Variants in HPS5 observed in about 807,000 individuals in gnomAD.
HPS5 encodes BLOC-2 complex member HPS5.
A neutral mutation model predicts 128.0 loss-of-function variants in HPS5; 83 were observed. That is an observed-to-expected ratio of 0.65 (90% CI 0.54 to 0.78). The LOEUF is 0.78. HPS5 is among the 30% of genes least tolerant of loss of function. HPS5 has a pLI of 0.00. For missense variants in HPS5, 1,281 were observed against 1,326.2 expected (o/e 0.97, Z 0.53); for synonymous variants, 475 against 470.2 (o/e 1.01, Z -0.13).
At chr11:18,309,197 A>C (rs1862693453) in intron 5 of HPS5, 118 bp from the exon 6 acceptor site, 2 of 1,005,608 alleles carry the variant, frequency 2.0e-6, no homozygotes, top group Non-Finnish European at 1.5e-6. Context: ...TTTTCAAATA[A>C]GCCAAAACTT....
In HPS5 at chr11:18,286,686, C is replaced by G. The variant is rs1313024540; in HGVS notation, c.2742G>C (p.Leu914=). 1 of 1,613,984 alleles carries G rather than the reference C, an allele frequency of 6.2e-7. No homozygotes were observed. Among genetic ancestry groups the G allele is most frequent in the East Asian group, 2.2e-5 (1 of 44,874 alleles). The change falls in exon 19 of 23, where the codon CTG becomes CTC. Residue 914 remains leucine, a synonymous_variant. Transcript: ENST00000349215. ...DQRSSFLESL[L]QPESLRLDWL... ...AATCCAACCTTAAAGACTCTGGTTGCAGAAGGGACTCAAGAAAAGATGACC... is the reference window on the plus strand; with the variant it reads ...AATCCAACCTTAAAGACTCTGGTTGGAGAAGGGACTCAAGAAAAGATGACC...
intron 2 of HPS5, among the ~76,000 whole-genome samples, chr11:18,313,611 C>T (rs1863250817): frequency 6.6e-6 from 1 of 152,072 alleles, no homozygotes; most frequent in African/African-American, 2.4e-5. Context: ...CTAATTTAAA[C>T]ATTTTTATTT....
intron 4 of HPS5, 36 bp from the exon 5 acceptor site, chr11:18,310,969 C>G (rs1011606000): frequency 2.6e-6 from 4 of 1,540,878 alleles, no homozygotes; most frequent in Admixed American, 1.7e-5. Context: ...AACGTGGCAA[C>G]AGTGAACAAG....
At chr11:18,281,825 T>C in intron 22 of HPS5, 125 bp downstream of exon 22, 1 of 1,070,276 alleles carries the variant, frequency 9.3e-7, no homozygotes, top group South Asian at 1.3e-5. Context: ...AATTACCACA[T>C]CAGTCTCAGT....
At chr11:18,317,704 C>T (rs1420854284) in intron 2 of HPS5, 47 bp downstream of exon 2, 2 of 1,587,718 alleles carry the variant, frequency 1.3e-6, no homozygotes, top group South Asian at 1.1e-5. Flanking sequence ...GGCACAGTAA[C>T]AGAGAGCACG....
intron 8 of HPS5, among the ~76,000 whole-genome samples, chr11:18,302,893 C>T (rs1008470658): frequency 7.6e-6 from 1 of 132,032 alleles, no homozygotes; most frequent in Non-Finnish European, 1.5e-5. Context: ...CTGAACCTGA[C>T]ATTCAGCTTG....
intron 6 of HPS5, among the ~76,000 whole-genome samples, chr11:18,306,736 T>C (rs1323402659): frequency 1.3e-5 from 2 of 152,348 alleles, no homozygotes; most frequent in Middle Eastern, 3.4e-3. Flanking sequence ...CCATGGAAGC[T>C]ACTAATCTAG....
chr11:18,317,797 A>G lies in HPS5; in HGVS notation c.62T>C (p.Leu21Pro), dbSNP rs1170740083. The change falls in exon 2 of 23, where the codon CTG (leucine) becomes CCG (proline). Residue 21 changes from leucine (L) to proline (P), a missense_variant. Physicochemically the swap from Leu to Pro is moderately conservative, Grantham distance 98 (BLOSUM62 -3). Coordinates refer to ENST00000349215, the MANE Select transcript of HPS5 (RefSeq NM_181507.2). ...YSHVLAEFES[L>P]DPLLSALRLD... ...CCGCAGGGCTGAGAGTAATGGATCC[A>G]GAGATTCAAACTCTGCAAGAACATG... is the stretch of plus-strand genomic sequence containing the variant. The G allele has an allele frequency of 1.2e-6, 2 of 1,613,908 alleles. No individual in the cohort carries two copies. Among genetic ancestry groups the G allele is most frequent in the East Asian group, 4.5e-5 (2 of 44,880 alleles).
chr11:18,310,340 TTCTACACAAGAAGCAGAGAAG>T (rs905946040), intron 5 of HPS5, among the ~76,000 whole-genome samples: 2 of 152,168 alleles, frequency 1.3e-5, no homozygotes, highest in Non-Finnish European at 2.9e-5. Flanking sequence ...TATGAGTTTC[TTCTACACAAGAAGCAGAGAAG>T]ACCAGAAGCC....
At chr11:18,287,853 T>C (rs1252392413) in intron 17 of HPS5, 40 bp downstream of exon 17, 13 of 1,613,474 alleles carry the variant, frequency 8.1e-6, no homozygotes, top group South Asian at 1.1e-5. Context: ...AAAAAATGCA[T>C]GTGCTTTAGC....
intron 3 of HPS5, 105 bp downstream of exon 3, chr11:18,311,809 C>A (rs777198005): frequency 1.1e-6 from 1 of 936,176 alleles, no homozygotes; most frequent in African/African-American, 1.6e-5. Flanking sequence ...CCGCACCAAG[C>A]CAAGTTCTAC....
intron 13 of HPS5, 42 bp from the exon 14 acceptor site, chr11:18,295,211 A>T: frequency 6.3e-7 from 1 of 1,582,902 alleles, no homozygotes; most frequent in Non-Finnish European, 8.6e-7. Flanking sequence ...ATAAAAACTT[A>T]TTACTGAGAA....
In HPS5 at chr11:18,310,758, T is replaced by C. The variant is rs781657787; in HGVS notation, c.460A>G (p.Thr154Ala). The change falls in exon 5 of 23, where the codon ACT becomes GCT. Residue 154 changes from threonine (T) to alanine (A), a missense_variant. Coordinates refer to ENST00000349215, the MANE Select transcript of HPS5 (RefSeq NM_181507.2). ...AGKVSAIKLNTSKQAKAAAAF... is the reference protein window; with the variant it reads ...AGKVSAIKLNASKQAKAAAAF... Reference sequence around the variant, plus strand: ...CTTCTCACCTTTGCTTGTTTAGAAGTATTGAGTTTGATAGCAGAAACCTTC... The same window carrying C: ...CTTCTCACCTTTGCTTGTTTAGAAGCATTGAGTTTGATAGCAGAAACCTTC... 24 of 1,613,622 alleles carry C rather than the reference T, an allele frequency of 1.5e-5. No individual in the cohort carries two copies. Among genetic ancestry groups the C allele is most frequent in the Non-Finnish European group, 1.9e-5 (23 of 1,179,690 alleles).
chr11:18,321,369 C>A (rs1404283560), intron 1 of HPS5, among the ~76,000 whole-genome samples: 1 of 152,118 alleles, frequency 6.6e-6, no homozygotes, highest in Non-Finnish European at 1.5e-5. Flanking sequence ...CCCCATTTAC[C>A]AAAACCCTAC....
Position 18,285,393 on chromosome 11 carries a change from T to G in HPS5, c.2904A>C (p.Ala968=), listed in dbSNP as rs750065595. The G allele has an allele frequency of 1.9e-6, 3 of 1,613,544 alleles. No individual in the cohort carries two copies. In the African/African-American group the frequency reaches 4.0e-5, roughly 22 times the overall value. The change falls in exon 20 of 23, where the codon GCA becomes GCC. Residue 968 remains alanine (A), a synonymous_variant. Transcript: ENST00000349215. ...QLILHLIKLP[A]DFITKEKMTD... ...TCATTTTCTCTTTGGTTATAAAATC[T>G]GCAGGAAGTTTAATTAGATGAAGGA... is the stretch of plus-strand genomic sequence containing the variant.
At chr11:18,285,632 T>A (rs1859609953) in intron 19 of HPS5, among the ~76,000 whole-genome samples, 173 bp from the exon 20 acceptor site, 1 of 152,244 alleles carries the variant, frequency 6.6e-6, no homozygotes, top group Non-Finnish European at 1.5e-5. Flanking sequence ...ATAACCTGTT[T>A]ATTTTTAAAG....
rs1028417163 is a variant in HPS5, at chr11:18,304,295, C to A, written c.896+1127G>T. ...GCAATGGCACGATCTCGGCTCACTGCAACCTCTACCTTCCAGGTTCAAGCG... is the reference window on the plus strand; with the variant it reads ...GCAATGGCACGATCTCGGCTCACTGAAACCTCTACCTTCCAGGTTCAAGCG... On this transcript the variant is annotated intron_variant, in intron 8 of 22. Coordinates refer to ENST00000349215, the MANE Select transcript of HPS5 (RefSeq NM_181507.2). Among the ~76,000 whole-genome samples the A allele has an allele frequency of 2.6e-5, 4 of 151,452 alleles. No homozygotes were observed. In the South Asian group the frequency reaches 6.3e-4, roughly 24 times the overall value.
chr11:18,302,064 T>C (rs542872932), intron 8 of HPS5, among the ~76,000 whole-genome samples: 1 of 151,836 alleles, frequency 6.6e-6, no homozygotes, highest in African/African-American at 2.4e-5. Flanking sequence ...CTTCATCACT[T>C]CCCATTTTCT....
intron 22 of HPS5, 54 bp downstream of exon 22, chr11:18,281,896 T>G: frequency 6.2e-7 from 1 of 1,604,650 alleles, no homozygotes. Context: ...TGAAAGTCTG[T>G]GGCCTTCTAC....
Sources: gnomAD v4.1 joint callset for allele counts (sites outside exome capture counted in the v4.1 genomes callset) on GRCh38, gnomAD v4.1.1 for gene constraint, MANE v1.5 for transcripts, NCBI Gene and HGNC (gene_info 2026-07-23, HGNC 2026-07-21) for gene names.